The following RALY variants were observed in gnomAD, a reference collection of about 807,000 sequenced individuals.
RALY encodes RNA-binding protein Raly.
Under a neutral mutation model 30.7 loss-of-function variants are expected in RALY, and 15 were observed. That is an observed-to-expected ratio of 0.49 (90% CI 0.33 to 0.75). RALY has a LOEUF of 0.75. RALY is among the 30% of genes least tolerant of loss of function. The pLI is 0.02. For synonymous variants in RALY, 177 were observed against 170.8 expected, an observed-to-expected ratio of 1.04 and a Z score of -0.28; for missense variants, 339 against 414.3, an observed-to-expected ratio of 0.82 and a Z score of 1.58.
At chr20:34,065,257 A>T (rs956225757) in intron 2 of RALY, 1 of 152,256 alleles carries the variant, frequency 6.6e-6, no homozygotes, top group African/African-American at 2.4e-5. Context: ...CTTTCACATC[A>T]ATTAGCCTAT....
intron 5 of RALY, among the ~76,000 whole-genome samples, chr20:34,074,730 G>A (rs1294828895): frequency 1.3e-5 from 2 of 152,166 alleles, no homozygotes; most frequent in Non-Finnish European, 2.9e-5. Context: ...ATCTCTCCAG[G>A]CTCCTCCAGC....
At position 34,077,074 on chromosome 20, in the gene RALY, T is replaced by C. The variant is rs761012335; in HGVS notation, c.705T>C (p.Gly235=). 774 of 1,100,054 alleles carry C rather than the reference T, an allele frequency of 7.0e-4. No individual in the cohort carries two copies. The highest frequency in any genetic ancestry group is 5.2e-3 in the African/African-American group (267 of 51,232). The allele number at this position is 1,100,054 out of a possible 1,614,324, so 68.1% of individuals were successfully genotyped here. A position where few individuals can be genotyped will look rare whatever the true frequency, so the allele number is the denominator to read the frequency against. ...GAGGTGGCGCCGGCGGCGGCGGCGGTGGTGGTGGCAGCGGTGGCGGTGGCA... is the reference window on the plus strand; with the variant it reads ...GAGGTGGCGCCGGCGGCGGCGGCGGCGGTGGTGGCAGCGGTGGCGGTGGCA... ...GDGGGAGGGG[G]GGGSGGGGSG... is the part of the protein sequence containing the mutation. The change falls in exon 8 of 10, where the codon GGT becomes GGC. Residue 235 remains glycine (G), a synonymous_variant. Transcript: ENST00000246194.
rs2034072592 is a variant in RALY at position 34,084,414 on chromosome 20, C to T, written c.*4509C>T. Reference sequence around the variant, plus strand: ...AATAGAGGGACAGAGGGGAGAATCCCCAAAAGGAGAGCAAGGCTTGGCTAA... The same window carrying T: ...AATAGAGGGACAGAGGGGAGAATCCTCAAAAGGAGAGCAAGGCTTGGCTAA... On this transcript the variant is annotated 3_prime_UTR_variant, in exon 10 of 10. Transcript: ENST00000246194. 1 of 152,244 alleles carries T rather than the reference C, an allele frequency of 6.6e-6. No individual in the cohort carries two copies. 9.4% of individuals were successfully genotyped at this position (152,244 alleles called of 1,614,324 possible). A position where few individuals can be genotyped will look rare whatever the true frequency, so the allele number is the denominator to read the frequency against.
rs867781420 is a variant in RALY at position 34,028,761 on chromosome 20, G to A, written c.-92-2761G>A. Among the ~76,000 whole-genome samples, 32 of 150,340 alleles carry A rather than the reference G, an allele frequency of 2.1e-4. 1 individual carries two copies. The highest frequency in any genetic ancestry group is 6.9e-3 in the Middle Eastern group (2 of 288). On this transcript the variant is annotated intron_variant, in intron 1 of 9. Transcript: ENST00000246194. ...ATGGCAGAGAGAGTGGCAAGAAAAG[G>A]GTTCAGGATTACGTCATAGATTCAC...
intron 2 of RALY, among the ~76,000 whole-genome samples, chr20:34,045,599 G>A (rs1012078960): frequency 6.6e-6 from 1 of 152,222 alleles, no homozygotes; most frequent in African/African-American, 2.4e-5. Context: ...GATTGGGAAC[G>A]TTCTGGTTCA....
At chr20:34,037,595 C>T (rs937569377) in intron 2 of RALY, among the ~76,000 whole-genome samples, 2 of 152,160 alleles carry the variant, frequency 1.3e-5, no homozygotes, top group Non-Finnish European at 2.9e-5. Context: ...TGGTGACTTA[C>T]TTGTGGCCTT....
chr20:34,064,871 T>G (rs1004485807), intron 2 of RALY, among the ~76,000 whole-genome samples: 1 of 152,222 alleles, frequency 6.6e-6, no homozygotes, highest in Non-Finnish European at 1.5e-5. Context: ...AATTTCCGTT[T>G]TGCAGTTGAG....
At chr20:34,015,976 CT>C (rs1049741053) in intron 1 of RALY, among the ~76,000 whole-genome samples, 4 of 152,294 alleles carry the variant, frequency 2.6e-5, no homozygotes, top group South Asian at 2.1e-4. Context: ...TCTTACACCC[CT>C]GTCCCACTGT....
rs1267491956 is a variant in RALY, at chr20:34,009,239, TTTG to T, written c.-93+15111_-93+15113del. 2.0e-5 allele frequency among the ~76,000 whole-genome samples: 3 copies of T among 151,924 alleles called. No homozygotes were observed. In the South Asian group the frequency reaches 6.2e-4, roughly 32 times the overall value. Reference sequence around the variant, plus strand: ...TGTTTTGGTGTGTGTGTGGTTTTTTTTTGTTTTGTTTTGTTTTTGAGACGGAGT... The same window carrying T: ...TGTTTTGGTGTGTGTGTGGTTTTTTTTTTTGTTTTGTTTTTGAGACGGAGT... On this transcript the variant is annotated intron_variant, in intron 1 of 9. Transcript: ENST00000246194.
At chr20:34,006,190 T>C (rs1281826984) in intron 1 of RALY, among the ~76,000 whole-genome samples, 1 of 152,222 alleles carries the variant, frequency 6.6e-6, no homozygotes, top group East Asian at 1.9e-4. Context: ...TAATGAAATA[T>C]GATTTACCCA....
intron 1 of RALY, among the ~76,000 whole-genome samples, chr20:34,015,892 C>A (rs935315509): frequency 1.3e-5 from 2 of 152,142 alleles, no homozygotes; most frequent in East Asian, 3.8e-4. Flanking sequence ...GTCCTCTCTT[C>A]TATACACAAA....
intron 2 of RALY, chr20:34,033,305 A>G (rs564266461): frequency 2.0e-5 from 3 of 152,390 alleles, no homozygotes; most frequent in African/African-American, 7.2e-5. Flanking sequence ...AAGCAGCATG[A>G]ACGAAACAAG....
rs562937989 is a variant in RALY at position 34,050,812 on chromosome 20, G to A, written c.-10+19208G>A. 3.3e-5 allele frequency among the ~76,000 whole-genome samples: 5 copies of A among 152,266 alleles called. No homozygotes were observed. In the East Asian group the frequency reaches 5.8e-4, roughly 18 times the overall value. On this transcript the variant is annotated intron_variant, in intron 2 of 9. Coordinates refer to ENST00000246194, the MANE Select transcript of RALY (RefSeq NM_016732.3). The stretch of plus-strand genomic sequence containing the variant: ...TGATGGTGAGGAGTCTAGCCCCACA[G>A]CCAGTATGCTATCTCTATTCAGATA...
At chr20:34,017,773 G>C (rs1435871766) in intron 1 of RALY, 2 of 152,258 alleles carry the variant, frequency 1.3e-5, no homozygotes. Flanking sequence ...AGTGTGGTCA[G>C]ACCAAATTCC....
At chr20:34,018,286 T>C (rs903024313) in intron 1 of RALY, among the ~76,000 whole-genome samples, 4 of 152,192 alleles carry the variant, frequency 2.6e-5, no homozygotes, top group African/African-American at 9.7e-5. Context: ...CTGAAACTTA[T>C]TTCTAGACTT....
chr20:34,007,014 CTG>C (rs2031190650), intron 1 of RALY, among the ~76,000 whole-genome samples: 1 of 152,154 alleles, frequency 6.6e-6, no homozygotes, highest in African/African-American at 2.4e-5. Context: ...TCTTTGTCCT[CTG>C]TATTTTCTGT....
At chr20:34,048,388 A>T (rs1393703360) in intron 2 of RALY, among the ~76,000 whole-genome samples, 2 of 152,142 alleles carry the variant, frequency 1.3e-5, no homozygotes, top group African/African-American at 2.4e-5. Flanking sequence ...CTAGGACTTC[A>T]CATGAGTCTA....
intron 2 of RALY, among the ~76,000 whole-genome samples, chr20:34,040,382 G>A (rs907911351): frequency 1.3e-5 from 2 of 152,094 alleles, no homozygotes; most frequent in Non-Finnish European, 2.9e-5. Context: ...TTCCCCTGTG[G>A]CACGTGTCAA....
chr20:34,029,040 G>C (rs2032161982), intron 1 of RALY, among the ~76,000 whole-genome samples: 1 of 152,092 alleles, frequency 6.6e-6, no homozygotes, highest in African/African-American at 2.4e-5. Flanking sequence ...AGGAGGGGTA[G>C]GGGAGACTAG....
Sources: allele counts gnomAD v4.1 joint callset (sites outside exome capture counted in the v4.1 genomes callset), GRCh38; gene constraint gnomAD v4.1.1; transcripts MANE v1.5; gene names NCBI Gene and HGNC (gene_info 2026-07-23, HGNC 2026-07-21).